KCNG2: variants seen among roughly 807,000 people sequenced by gnomAD.
KCNG2 encodes the protein potassium voltage-gated channel modifier subfamily G member 2.
In KCNG2, 7 loss-of-function variants were observed where a neutral mutation model predicts 12.3. That is an observed-to-expected ratio of 0.57 (90% CI 0.32 to 1.07). The LOEUF (loss-of-function observed/expected upper bound fraction) is 1.07. KCNG2 is among the 50% of genes least tolerant of loss of function. KCNG2 has a pLI of 0.04. For synonymous variants in KCNG2, 414 were observed against 351.4 expected, an observed-to-expected ratio of 1.18 and a Z score of -1.99; for missense variants, 703 against 726.0, an observed-to-expected ratio of 0.97 and a Z score of 0.36.
At chr18:79,874,603 G>A (rs1979993258) in intron 3 of KCNG2, among the ~76,000 whole-genome samples, 1 of 152,244 alleles carries the variant, frequency 6.6e-6, no homozygotes, top group South Asian at 2.1e-4. Context: ...CTCTCCTACT[G>A]CATAAGCTTC....
At position 79,864,240 on chromosome 18, in the gene KCNG2, C is replaced by T. The variant is rs140218057; in HGVS notation, c.573C>T (p.Ala191=). The T allele has an allele frequency of 3.6e-4, 556 of 1,552,556 alleles. 2 individuals carry two copies. The highest frequency in any genetic ancestry group is 4.0e-4 in the Non-Finnish European group (464 of 1,153,904). The change falls in exon 3 of 4, where the codon GCC becomes GCT. Residue 191 remains alanine, a synonymous_variant. Transcript: ENST00000316249. ...CVSVSFVAVT[A]VGLCLSTMPD... ...CCGTGTCCTTCGTGGCCGTCACGGC[C>T]GTGGGCCTCTGCCTGAGCACCATGC... is the stretch of plus-strand genomic sequence containing the variant.
intron 3 of KCNG2, among the ~76,000 whole-genome samples, chr18:79,896,101 G>A (rs1980965368): frequency 1.3e-5 from 2 of 152,172 alleles, no homozygotes; most frequent in Admixed American, 6.5e-5. Context: ...AAGTAGCTGG[G>A]ATTATAGGCG....
chr18:79,893,560 G>A (rs546737584), intron 3 of KCNG2, among the ~76,000 whole-genome samples: 5 of 151,166 alleles, frequency 3.3e-5, no homozygotes, highest in Non-Finnish European at 2.9e-5. Context: ...CTGGGTCTGC[G>A]TCTCCTTTGA....
At chr18:79,844,314 C>T (rs1978553037) in intron 1 of KCNG2, among the ~76,000 whole-genome samples, 1 of 151,960 alleles carries the variant, frequency 6.6e-6, no homozygotes. Context: ...TATAGAAAAA[C>T]AGTAATGTGT....
rs557045401 is a variant in KCNG2 at position 79,853,999 on chromosome 18, G to A, written c.-114-2380G>A. On this transcript the variant is annotated intron_variant, in intron 1 of 3. Transcript: ENST00000316249. ...ACCAGTTTCCAGTGGAATCCACCAC[G>A]CATGGGAGGAATGAGCAGGCCGATG... is the stretch of plus-strand genomic sequence containing the variant. 4.6e-4 allele frequency among the ~76,000 whole-genome samples: 70 copies of A among 152,378 alleles called. 1 individual carries two copies. The Middle Eastern group carries it at 0.014, about 30-fold the overall frequency.
In KCNG2 at chr18:79,864,084, G is replaced by A; in HGVS notation, c.417G>A (p.Glu139=). 1 of 1,064,080 alleles carries A rather than the reference G, an allele frequency of 9.4e-7. No homozygotes were observed. The highest frequency in any genetic ancestry group is 1.1e-6 in the Non-Finnish European group (1 of 881,436). 65.9% of individuals were successfully genotyped at this position (1,064,080 alleles called of 1,614,324 possible). The part of the protein sequence containing the change: ...EAAEARAGPT[E]RGAQGSPARA... ...CCGAGGCCCGCGCGGGGCCGACGGA[G>A]CGCGGGGCGCAGGGGAGCCCGGCGC... is the stretch of plus-strand genomic sequence containing the variant. Residue 139 remains glutamate (E), a synonymous_variant, in exon 3 of 4, where the codon GAG becomes GAA. Transcript: ENST00000316249.
chr18:79,857,036 T>C (rs1024037978), intron 2 of KCNG2, among the ~76,000 whole-genome samples: 8 of 36,778 alleles, frequency 2.2e-4, no homozygotes, highest in African/African-American at 8.1e-4. Context: ...TCCTGCTTTG[T>C]GGACCTCTCT....
At position 79,899,423 on chromosome 18, in the gene KCNG2, C is replaced by T. The variant is rs1320159555; in HGVS notation, c.1008C>T (p.Phe336=). The change falls in exon 4 of 4, where the codon TTC becomes TTT. Residue 336 remains phenylalanine, a synonymous_variant. Coordinates refer to ENST00000316249, the MANE Select transcript of KCNG2 (RefSeq NM_012283.2). ...LLFLCVAMAL[F]APLVHLAERE... The stretch of plus-strand genomic sequence containing the variant: ...TCCTCTGCGTGGCCATGGCGCTCTT[C>T]GCGCCACTGGTGCACCTGGCCGAGC... The T allele has an allele frequency of 5.7e-6, 9 of 1,589,046 alleles. No individual in the cohort carries two copies. Among genetic ancestry groups the T allele is most frequent in the South Asian group, 3.4e-5 (3 of 88,590 alleles).
At chr18:79,798,368 C>T (rs1272370633) in intron 1 of KCNG2, among the ~76,000 whole-genome samples, 4 of 152,226 alleles carry the variant, frequency 2.6e-5, no homozygotes, top group African/African-American at 9.6e-5. Context: ...CCCGTCTATT[C>T]GCGCTGGTCC....
intron 1 of KCNG2, among the ~76,000 whole-genome samples, chr18:79,809,730 T>C (rs1374284588): frequency 2.6e-5 from 4 of 152,192 alleles, no homozygotes; most frequent in Non-Finnish European, 5.9e-5. Flanking sequence ...CAGAAGGCAA[T>C]CTTCACGCCC....
rs1339022589 is a variant in KCNG2, at chr18:79,803,522, G to C, written c.-115+5508G>C. ...AACATTCTAGGGTGAAGAAAACAGT[G>C]GCTAGGCGTGGGTGTGCAGTGCTGG... On this transcript the variant is annotated intron_variant, in intron 1 of 3. Coordinates refer to ENST00000316249, the MANE Select transcript of KCNG2 (RefSeq NM_012283.2). This position sits in a 1 kb window ranked among gnomAD's most constrained non-coding sequence, Gnocchi z 4.5. 6.6e-6 allele frequency among the ~76,000 whole-genome samples: 1 copy of C among 152,240 alleles called. No homozygotes were observed. The highest frequency in any genetic ancestry group is 2.4e-5 in the African/African-American group (1 of 41,474).
At chr18:79,863,376 G>T (rs1246851199) in intron 2 of KCNG2, among the ~76,000 whole-genome samples, 1 of 152,256 alleles carries the variant, frequency 6.6e-6, no homozygotes, top group Non-Finnish European at 1.5e-5. Flanking sequence ...CCTAGTGTAA[G>T]AACCCGGCTG....
rs187969410 is a variant in KCNG2 at position 79,825,464 on chromosome 18, C to A, written c.-115+27450C>A. 1.7e-3 allele frequency among the ~76,000 whole-genome samples: 259 copies of A among 152,334 alleles called. 1 individual carries two copies. The highest frequency in any genetic ancestry group is 5.9e-3 in the African/African-American group (246 of 41,572). The stretch of plus-strand genomic sequence containing the variant: ...CTGATGTCTGGGTCCATAAAAATAT[C>A]TTTCCTGTCCTTTTCTGCTGTTTGC... On this transcript the variant is annotated intron_variant, in intron 1 of 3. Transcript: ENST00000316249.
intron 2 of KCNG2, among the ~76,000 whole-genome samples, chr18:79,859,980 G>T (rs571866278): frequency 1.3e-5 from 2 of 152,306 alleles, no homozygotes; most frequent in Admixed American, 1.3e-4. Context: ...ATTCGCTCAT[G>T]GTTCTTCAGG....
At chr18:79,846,362 G>A (rs1190216180) in intron 1 of KCNG2, among the ~76,000 whole-genome samples, 42 of 114,016 alleles carry the variant, frequency 3.7e-4, no homozygotes, top group African/African-American at 1.2e-3. Context: ...GCAACAGAGC[G>A]AGACTCCGTC....
At position 79,798,027 on chromosome 18, in the gene KCNG2, G is replaced by T. The variant is rs891560838; in HGVS notation, c.-115+13G>T. 1.6e-3 allele frequency among the ~76,000 whole-genome samples: 236 copies of T among 147,400 alleles called. 3 individuals carry two copies. The highest frequency in any genetic ancestry group is 5.8e-3 in the Admixed American group (88 of 15,062). ...GTCTGGACCGCAGGTAAAGTTGAGC[G>T]CGCCGTGGGGCCGGGGGTGGGGGGT... On this transcript the variant is annotated intron_variant, in intron 1 of 3. Transcript: ENST00000316249.
intron 3 of KCNG2, among the ~76,000 whole-genome samples, chr18:79,874,369 C>T (rs1253237382): frequency 3.9e-5 from 6 of 152,230 alleles, no homozygotes; most frequent in African/African-American, 1.4e-4. Context: ...ACCGTCACAG[C>T]GGAGGCGAAG....
intron 1 of KCNG2, among the ~76,000 whole-genome samples, chr18:79,836,358 G>A (rs983281256): frequency 6.6e-6 from 1 of 152,212 alleles, no homozygotes; most frequent in Non-Finnish European, 1.5e-5. Flanking sequence ...CAACAGAGCT[G>A]CAAAATATGT....
chr18:79,824,707 C>T (rs2087599071), intron 1 of KCNG2, among the ~76,000 whole-genome samples: 1 of 152,134 alleles, frequency 6.6e-6, no homozygotes, highest in Non-Finnish European at 1.5e-5. Context: ...TGCTTGGTAT[C>T]TATGGAGATG....
Sources: allele counts gnomAD v4.1 joint callset (sites outside exome capture counted in the v4.1 genomes callset), GRCh38; gene constraint gnomAD v4.1.1; non-coding constraint Gnocchi (gnomAD v3.1); transcripts MANE v1.5; gene names NCBI Gene and HGNC (gene_info 2026-07-23, HGNC 2026-07-21).